DCLK1: variants seen among roughly 807,000 people sequenced by gnomAD.
DCLK1 encodes doublecortin like kinase 1.
A neutral mutation model predicts 86.2 loss-of-function variants in DCLK1; 16 were observed. The ratio of observed to expected loss-of-function variants is 0.19; its 90% confidence interval spans 0.13 to 0.28. The LOEUF is 0.28. DCLK1 is among the 10% of genes least tolerant of loss of function. The probability of loss-of-function intolerance (pLI) is 1.00; values close to 1 mark genes in which losing one functional copy is unlikely to be tolerated. For synonymous variants in DCLK1, 369 were observed against 370.5 expected, an observed-to-expected ratio of 1.00 and a Z score of 0.05; for missense variants, 590 against 940.2, an observed-to-expected ratio of 0.63 and a Z score of 4.87.
chr13:36,124,592 G>A (rs962853076), intron 2 of DCLK1, among the ~76,000 whole-genome samples: 6 of 152,174 alleles, frequency 3.9e-5, no homozygotes, highest in Admixed American at 2.6e-4. Flanking sequence ...GTGCGGTCAG[G>A]GGAGAGCAGC....
At chr13:35,973,224 A>G (rs1879156713) in intron 3 of DCLK1, among the ~76,000 whole-genome samples, 1 of 152,174 alleles carries the variant, frequency 6.6e-6, no homozygotes, top group Admixed American at 6.5e-5. Context: ...AAATCCTTTC[A>G]ATGGCGAGGC....
intron 3 of DCLK1, among the ~76,000 whole-genome samples, chr13:36,072,634 C>G (rs1884020261): frequency 6.6e-6 from 1 of 152,160 alleles, no homozygotes; most frequent in African/African-American, 2.4e-5. Flanking sequence ...TCTTCTACCC[C>G]CAGCCTCTAG....
chr13:35,975,207 G>A (rs1879274657), intron 3 of DCLK1, among the ~76,000 whole-genome samples: 1 of 152,244 alleles, frequency 6.6e-6, no homozygotes, highest in Admixed American at 6.5e-5. Flanking sequence ...AGCCTGTGGT[G>A]TGGGCGAGGC....
intron 3 of DCLK1, among the ~76,000 whole-genome samples, chr13:36,033,880 G>A (rs532507421): frequency 3.3e-5 from 5 of 152,274 alleles, no homozygotes; most frequent in South Asian, 2.1e-4. Flanking sequence ...AGCCGAAGTC[G>A]CACCATTGCG....
chr13:35,855,741 T>C, intron 5 of DCLK1: 1 of 1,332,386 alleles, frequency 7.5e-7, no homozygotes, highest in Non-Finnish European at 9.6e-7. Context: ...GTGCAGGTTC[T>C]GTCTTAGGCT....
At chr13:35,919,909 TGG>T (rs1052837351) in intron 4 of DCLK1, among the ~76,000 whole-genome samples, 39 of 33,916 alleles carry the variant, frequency 1.1e-3, no homozygotes, top group African/African-American at 4.1e-3. Flanking sequence ...TGCGGGGGGG[TGG>T]GGGGGTTGTG....
At chr13:36,089,426 C>G (rs566331211) in intron 3 of DCLK1, among the ~76,000 whole-genome samples, 1 of 152,162 alleles carries the variant, frequency 6.6e-6, no homozygotes, top group South Asian at 2.1e-4. Flanking sequence ...GGAAACATAA[C>G]CTTGGTTCCA....
chr13:36,071,390 T>C (rs1883969918), intron 3 of DCLK1, among the ~76,000 whole-genome samples: 1 of 152,190 alleles, frequency 6.6e-6, no homozygotes, highest in Non-Finnish European at 1.5e-5. Flanking sequence ...CCTCATTCTG[T>C]TAAGTATTAT....
chr13:35,971,599 C>A (rs1308792347), intron 3 of DCLK1, among the ~76,000 whole-genome samples: 2 of 152,102 alleles, frequency 1.3e-5, no homozygotes, highest in African/African-American at 4.8e-5. Flanking sequence ...CCTGTCTCTA[C>A]TGAAAATACA....
chr13:35,892,839 G>A (rs1873727639), intron 4 of DCLK1, among the ~76,000 whole-genome samples: 1 of 152,122 alleles, frequency 6.6e-6, no homozygotes, highest in South Asian at 2.1e-4. Context: ...CTGTTCACTT[G>A]TATATTTCAG....
At chr13:35,892,568 T>C (rs539680909) in intron 4 of DCLK1, among the ~76,000 whole-genome samples, 1 of 152,214 alleles carries the variant, frequency 6.6e-6, no homozygotes, top group Admixed American at 6.5e-5. Context: ...TAGATGTTAG[T>C]TTCCAGTAGA....
chr13:36,005,424 T>C (rs1040665825), intron 3 of DCLK1, among the ~76,000 whole-genome samples: 2 of 152,212 alleles, frequency 1.3e-5, no homozygotes, highest in Admixed American at 1.3e-4. Context: ...TGATCACATA[T>C]AAGGAAAATT....
At chr13:35,874,255 C>T (rs1872468013) in intron 4 of DCLK1, among the ~76,000 whole-genome samples, 1 of 141,990 alleles carries the variant, frequency 7.0e-6, no homozygotes, top group African/African-American at 2.5e-5. Context: ...ACATCGTTTC[C>T]TATTTTTTTC....
At chr13:35,920,635 G>T (rs1164579158) in intron 4 of DCLK1, among the ~76,000 whole-genome samples, 2 of 152,272 alleles carry the variant, frequency 1.3e-5, no homozygotes, top group East Asian at 1.9e-4. Context: ...GACAAGAAGG[G>T]TGTTCTTGGT....
At chr13:35,800,087 T>C (rs1463008098) in intron 15 of DCLK1, among the ~76,000 whole-genome samples, 3 of 152,320 alleles carry the variant, frequency 2.0e-5, no homozygotes, top group South Asian at 2.1e-4. Context: ...CAGGATCATG[T>C]TGGGGGATGA....
intron 6 of DCLK1, chr13:35,847,014 A>G: frequency 1.0e-6 from 1 of 985,248 alleles, no homozygotes; most frequent in South Asian, 4.7e-5. Flanking sequence ...ACAATCTGCA[A>G]CTGTATCAAT....
chr13:35,958,162 T>TACCACCACCACCACTATAAC (rs1878188479), intron 3 of DCLK1, among the ~76,000 whole-genome samples: 1 of 10,488 alleles, frequency 9.5e-5, no homozygotes, highest in African/African-American at 1.8e-4. Flanking sequence ...ACTATAACCA[T>TACCACCACCACCACTATAAC]CACCACCATC....
chr13:35,947,273 G>T, intron 4 of DCLK1, 85 bp downstream of exon 4: 2 of 959,138 alleles, frequency 2.1e-6, no homozygotes, highest in Non-Finnish European at 3.3e-6. Context: ...GGTAGCTTTG[G>T]AGTTGACATA....
At chr13:35,873,414 C>T (rs919027963) in intron 4 of DCLK1, among the ~76,000 whole-genome samples, 10 of 151,944 alleles carry the variant, frequency 6.6e-5, no homozygotes, top group African/African-American at 4.8e-5. Flanking sequence ...GACAGAGTCT[C>T]GCTCTTGTTG....
Sources: gnomAD v4.1 joint callset for allele counts (sites outside exome capture counted in the v4.1 genomes callset) on GRCh38, gnomAD v4.1.1 for gene constraint, MANE v1.5 for transcripts, NCBI Gene and HGNC (gene_info 2026-07-23, HGNC 2026-07-21) for gene names.